OTOA: variants seen among roughly 807,000 people sequenced by gnomAD.
The protein encoded by OTOA is cancer/testis antigen 108.
In OTOA, 70 loss-of-function variants were observed where a neutral mutation model predicts 110.8. The ratio of observed to expected loss-of-function variants is 0.63; its 90% CI spans 0.52 to 0.77. The LOEUF is 0.77. Among genes scored for constraint, OTOA ranks in the 30% least tolerant of loss-of-function variants. The pLI, the probability that OTOA is intolerant of heterozygous loss-of-function variation, is 0.00. For synonymous variants in OTOA, 373 were observed against 431.5 expected, an observed-to-expected ratio of 0.86 and a Z score of 1.68; for missense variants, 917 against 1,075.8, an observed-to-expected ratio of 0.85 and a Z score of 2.06.
chr16:21,677,464 A>C (rs1245100420), intron 1 of OTOA, among the ~76,000 whole-genome samples: 2 of 149,218 alleles, frequency 1.3e-5, no homozygotes, highest in South Asian at 2.1e-4. Context: ...GTTTTTATGA[A>C]GTTTAGCTTC....
At chr16:21,758,247 C>T (rs959744126) in intron 28 of OTOA, among the ~76,000 whole-genome samples, 2 of 151,870 alleles carry the variant, frequency 1.3e-5, no homozygotes, top group Non-Finnish European at 2.9e-5. Context: ...ACATTTGGAC[C>T]ATGCTCTGGG....
At chr16:21,679,110 C>T (rs1234418932) in intron 4 of OTOA, 44 bp downstream of exon 4, 3 of 1,613,104 alleles carry the variant, frequency 1.9e-6, no homozygotes, top group Non-Finnish European at 2.5e-6. Context: ...CTAAGAATTT[C>T]AAACAGAATG....
chr16:21,705,223 G>A lies in OTOA; in HGVS notation c.1035G>A (p.Val345=), dbSNP rs1415788548. ...ACCTGGAATTGCTGGATGCCACTGTGGCTCAAGTCCTGCTTTACCAGATGA... is the reference window on the plus strand; with the variant it reads ...ACCTGGAATTGCTGGATGCCACTGTAGCTCAAGTCCTGCTTTACCAGATGA... ...YNDLELLDAT[V]AQVLLYQMIK... Residue 345 remains valine, a synonymous_variant, in exon 12 of 29, where the codon GTG becomes GTA. Transcript: ENST00000646100. 6.2e-7 allele frequency: 1 copy of A among 1,614,132 alleles called. No homozygotes were observed. The highest frequency in any genetic ancestry group is 8.5e-7 in the Non-Finnish European group (1 of 1,180,020).
intron 28 of OTOA, among the ~76,000 whole-genome samples, chr16:21,758,895 G>A (rs1439622098): frequency 2.6e-5 from 4 of 151,622 alleles, no homozygotes; most frequent in East Asian, 3.9e-4. Context: ...CCAGCTATTC[G>A]GGAGGCTAAG....
chr16:21,677,290 C>T (rs1210647895), intron 1 of OTOA, among the ~76,000 whole-genome samples: 2 of 152,112 alleles, frequency 1.3e-5, no homozygotes, highest in Non-Finnish European at 2.9e-5. Flanking sequence ...GCAGCTGTAT[C>T]AGAGTTCCTG....
rs781684262 is a variant in OTOA, at chr16:21,685,309, A to G, written c.347A>G (p.Gln116Arg). 1.2e-6 allele frequency: 2 copies of G among 1,613,352 alleles called. No homozygotes were observed. The highest frequency in any genetic ancestry group is 1.7e-6 in the Non-Finnish European group (2 of 1,179,472). Reference protein sequence around the residue: ...LLEDLRKTDAQQFRTAMKCLL... With the variant: ...LLEDLRKTDARQFRTAMKCLL... ...GAGGACCTGAGGAAGACAGACGCCC[A>G]GCAGTTCCGCACTGCCATGAAATGC... The change falls in exon 7 of 29, where the codon CAG becomes CGG. Residue 116 changes from glutamine (Q) to arginine (R), a missense_variant. By Grantham distance (43) the Gln-to-Arg change is conservative (BLOSUM62 1). Around this residue, in one of 6 missense-constraint regions of OTOA, gnomAD observed 840 missense variants for 910.2 expected, o/e 0.92. Transcript: ENST00000646100.
chr16:21,689,917 C>T (rs1044246753), intron 8 of OTOA, among the ~76,000 whole-genome samples: 2 of 152,064 alleles, frequency 1.3e-5, no homozygotes, highest in East Asian at 1.9e-4. Context: ...AACTCCTGAC[C>T]TCAGGTGATC....
chr16:21,689,843 G>A (rs1196452599), intron 8 of OTOA, among the ~76,000 whole-genome samples: 3 of 151,952 alleles, frequency 2.0e-5, no homozygotes, highest in East Asian at 3.9e-4. Flanking sequence ...ATGCCACCAC[G>A]CCTGGCTACT....
At position 21,691,683 on chromosome 16, in the gene OTOA, C is replaced by T. The variant is rs139606123; in HGVS notation, c.735C>T (p.Ala245=). ...MTGILQTSSN[A]TDDSASWVSA... ...GAATACTGCAGACATCCTCCAATGC[C>T]ACTGGTGAGCCTGTACTTGGAGGTG... The change falls in exon 9 of 29, where the codon GCC becomes GCT. Residue 245 remains alanine, a synonymous_variant. Coordinates refer to ENST00000646100, the MANE Select transcript of OTOA (RefSeq NM_144672.4). The T allele has an allele frequency of 6.2e-7, 1 of 1,613,102 alleles. No individual in the cohort carries two copies. The highest frequency in any genetic ancestry group is 8.5e-7 in the Non-Finnish European group (1 of 1,179,186).
At chr16:21,710,886 C>T (rs1898333896) in intron 13 of OTOA, among the ~76,000 whole-genome samples, 1 of 152,108 alleles carries the variant, frequency 6.6e-6, no homozygotes, top group South Asian at 2.1e-4. Context: ...GCCTGTACTT[C>T]CAGCTACTTG....
intron 12 of OTOA, 85 bp from the exon 13 acceptor site, chr16:21,709,803 G>C: frequency 8.5e-7 from 1 of 1,181,886 alleles, no homozygotes; most frequent in Non-Finnish European, 1.3e-6. Context: ...GAGGTGCTGT[G>C]GAGTCCTAAT....
chr16:21,743,306 C>CT (rs1399001196), intron 23 of OTOA, among the ~76,000 whole-genome samples: 1 of 150,324 alleles, frequency 6.7e-6, no homozygotes, highest in East Asian at 2.0e-4. Flanking sequence ...ATTTTGGTAT[C>CT]TTTAAGAAGT....
chr16:21,705,675 G>A (rs1015827871), intron 12 of OTOA, among the ~76,000 whole-genome samples: 4 of 152,084 alleles, frequency 2.6e-5, no homozygotes, highest in Non-Finnish European at 4.4e-5. Context: ...GGCTGGGCAC[G>A]GTGGTTCACA....
At chr16:21,721,763 A>G (rs904880240) in intron 17 of OTOA, among the ~76,000 whole-genome samples, 1 of 152,090 alleles carries the variant, frequency 6.6e-6, no homozygotes, top group Non-Finnish European at 1.5e-5. Flanking sequence ...ATGGTGGCAC[A>G]TGCCTGTAGT....
rs1368539772 is a variant in OTOA at position 21,693,435 on chromosome 16, TAGAG to T, written c.739+1750_739+1753del. Among the ~76,000 whole-genome samples the T allele has an allele frequency of 5.9e-5, 9 of 152,166 alleles. 1 individual carries two copies. Among genetic ancestry groups the T allele is most frequent in the Non-Finnish European group, 1.3e-4 (9 of 68,038 alleles). On this transcript the variant is annotated intron_variant, in intron 9 of 28. Transcript: ENST00000646100. ...CCCATTATGTATCAATAGCTGAAGA[TAGAG>T]AAGGAAACAAAACAAAGTCTCTGCT...
chr16:21,758,306 T>G (rs1457554728), intron 28 of OTOA, among the ~76,000 whole-genome samples: 1 of 150,826 alleles, frequency 6.6e-6, no homozygotes, highest in Non-Finnish European at 1.5e-5. Context: ...CTGCCCTCAT[T>G]GAGCTCTCAG....
intron 28 of OTOA, among the ~76,000 whole-genome samples, chr16:21,758,265 C>A (rs143186279): frequency 5.9e-5 from 9 of 151,868 alleles, no homozygotes; most frequent in African/African-American, 2.2e-4. Flanking sequence ...GGGGAGATAG[C>A]TTCTAACAAG....
intron 10 of OTOA, among the ~76,000 whole-genome samples, chr16:21,698,990 G>A (rs186898588): frequency 5.3e-5 from 8 of 152,126 alleles, no homozygotes; most frequent in East Asian, 1.9e-4. Context: ...TCGTTCTGTC[G>A]TCCAGGCTAA....
At chr16:21,759,657 T>A (rs900614005) in intron 28 of OTOA, among the ~76,000 whole-genome samples, 3 of 152,074 alleles carry the variant, frequency 2.0e-5, no homozygotes, top group Admixed American at 2.0e-4. Context: ...TCCCAGCACT[T>A]TGGGAGGCTG....
Sources: allele counts gnomAD v4.1 joint callset (sites outside exome capture counted in the v4.1 genomes callset), GRCh38; gene constraint gnomAD v4.1.1; regional missense constraint gnomAD v4.1.1; transcripts MANE v1.5; gene names NCBI Gene and HGNC (gene_info 2026-07-23, HGNC 2026-07-21).